ARHGAP42: variants seen among roughly 807,000 people sequenced by gnomAD.
ARHGAP42 encodes the protein Rho GTPase activating protein 42.
A neutral mutation model predicts 125.0 loss-of-function variants in ARHGAP42; 63 were observed. The ratio of observed to expected loss-of-function variants is 0.50; its 90% CI spans 0.41 to 0.62. ARHGAP42 has a LOEUF of 0.62. Ranked by LOEUF, ARHGAP42 falls within the 20% of genes least tolerant of loss-of-function variation. The pLI, the probability that ARHGAP42 is intolerant of heterozygous loss-of-function variation, is 0.00. For missense variants in ARHGAP42, 766 were observed against 1,024.2 expected, an observed-to-expected ratio of 0.75 and a Z score of 3.44; for synonymous variants, 339 against 351.0, an observed-to-expected ratio of 0.97 and a Z score of 0.38.
At chr11:100,871,591 T>C (rs11224496) in intron 4 of ARHGAP42, among the ~76,000 whole-genome samples, 11,456 of 151,074 alleles carry the variant, frequency 0.076, 634 homozygotes, top group African/African-American at 0.15. Flanking sequence ...GTTTCCAGTA[T>C]AAAAATTAAC....
chr11:100,718,550 G>A (rs977566650), intron 1 of ARHGAP42, among the ~76,000 whole-genome samples: 1 of 152,072 alleles, frequency 6.6e-6, no homozygotes, highest in African/African-American at 2.4e-5. Context: ...TAAATAAATT[G>A]GACAAGGACT....
At chr11:100,914,195 A>G (rs1867004190) in intron 5 of ARHGAP42, among the ~76,000 whole-genome samples, 1 of 152,314 alleles carries the variant, frequency 6.6e-6, no homozygotes, top group East Asian at 1.9e-4. Flanking sequence ...TTAGCCTCTC[A>G]AAGTGCTGGG....
At chr11:100,694,793 C>G (rs906354988) in intron 1 of ARHGAP42, among the ~76,000 whole-genome samples, 9 of 152,304 alleles carry the variant, frequency 5.9e-5, no homozygotes, top group African/African-American at 2.2e-4. Flanking sequence ...CTTTGGGAGG[C>G]TGAGGTGGGT....
At chr11:100,779,552 A>ATACGTATATATACGTATATATACG in intron 2 of ARHGAP42, among the ~76,000 whole-genome samples, 13 of 87,342 alleles carry the variant, frequency 1.5e-4, no homozygotes, top group Admixed American at 8.6e-4. Context: ...ATATATATAC[A>ATACGTATATATACGTATATATACG]TATACATACG....
At chr11:100,732,235 G>A (rs1861972023) in intron 1 of ARHGAP42, among the ~76,000 whole-genome samples, 1 of 152,164 alleles carries the variant, frequency 6.6e-6, no homozygotes, top group Non-Finnish European at 1.5e-5. Context: ...GGGATTACAG[G>A]TGTGAGCCGC....
At chr11:100,972,666 T>C (rs1858281079) in intron 17 of ARHGAP42, among the ~76,000 whole-genome samples, 1 of 152,194 alleles carries the variant, frequency 6.6e-6, no homozygotes, top group Non-Finnish European at 1.5e-5. Context: ...GTCCTGAATT[T>C]GTTGTGACCT....
At chr11:100,807,258 C>T (rs777479850) in intron 3 of ARHGAP42, among the ~76,000 whole-genome samples, 3 of 151,874 alleles carry the variant, frequency 2.0e-5, no homozygotes, top group Non-Finnish European at 2.9e-5. Flanking sequence ...TGCAATGGCA[C>T]GATCTCGGCT....
At chr11:100,981,122 T>C (rs1430284047) in intron 22 of ARHGAP42, among the ~76,000 whole-genome samples, 6 of 152,190 alleles carry the variant, frequency 3.9e-5, no homozygotes, top group African/African-American at 1.4e-4. Context: ...GAGTTACCAA[T>C]GTTGGGGAAT....
chr11:100,911,951 C>G lies in ARHGAP42; in HGVS notation c.385-1501C>G, dbSNP rs138611909. 6.0e-3 allele frequency among the ~76,000 whole-genome samples: 908 copies of G among 152,274 alleles called. 4 individuals carry two copies. Among genetic ancestry groups the G allele is most frequent in the African/African-American group, 0.021 (868 of 41,566 alleles). On this transcript the variant is annotated intron_variant, in intron 4 of 23. Coordinates refer to ENST00000298815, the MANE Select transcript of ARHGAP42 (RefSeq NM_152432.4). ...GTAATATTTTAATGTACAAGCATCTCAGTACTTCTTACATGGTCTAAAAGT... is the reference window on the plus strand; with the variant it reads ...GTAATATTTTAATGTACAAGCATCTGAGTACTTCTTACATGGTCTAAAAGT...
intron 12 of ARHGAP42, among the ~76,000 whole-genome samples, chr11:100,957,913 G>A (rs144481968): frequency 6.6e-6 from 1 of 152,124 alleles, no homozygotes; most frequent in Admixed American, 6.6e-5. Context: ...TCTGTTTTAT[G>A]TCACTACTAT....
intron 22 of ARHGAP42, among the ~76,000 whole-genome samples, chr11:100,981,468 C>T (rs1247504578): frequency 6.6e-6 from 1 of 152,066 alleles, no homozygotes; most frequent in Non-Finnish European, 1.5e-5. Context: ...CAAGGTTACC[C>T]TTGAATTAGA....
At chr11:100,751,277 G>GTTTTTTTTTTTTTTTTTTTTTTTTTTTTT (rs756243174) in intron 1 of ARHGAP42, among the ~76,000 whole-genome samples, 1 of 121,624 alleles carries the variant, frequency 8.2e-6, no homozygotes, top group African/African-American at 3.4e-5. Flanking sequence ...GTGTGTGTGT[G>GTTTTTTTTTTTTTTTTTTTTTTTTTTTTT]TGTTTTTTTT....
chr11:100,963,722 T>A (rs1413981625), intron 16 of ARHGAP42, among the ~76,000 whole-genome samples: 1 of 152,214 alleles, frequency 6.6e-6, no homozygotes, highest in Non-Finnish European at 1.5e-5. Context: ...AAATATATAA[T>A]CTGACCTCTC....
chr11:100,985,755 A>G (rs1469167674), intron 22 of ARHGAP42, among the ~76,000 whole-genome samples: 1 of 152,166 alleles, frequency 6.6e-6, no homozygotes, highest in African/African-American at 2.4e-5. Flanking sequence ...TGATGAAAAG[A>G]CTGGAGGCAG....
intron 5 of ARHGAP42, among the ~76,000 whole-genome samples, chr11:100,920,322 C>T (rs1409078342): frequency 6.6e-6 from 1 of 152,112 alleles, no homozygotes; most frequent in Non-Finnish European, 1.5e-5. Flanking sequence ...GGGTTAGGTG[C>T]ACCTACTCCC....
At chr11:100,789,254 C>T (rs1333118262) in intron 2 of ARHGAP42, among the ~76,000 whole-genome samples, 1 of 152,270 alleles carries the variant, frequency 6.6e-6, no homozygotes, top group African/African-American at 2.4e-5. Context: ...TTCAATCTGG[C>T]TTTTATAGAC....
intron 4 of ARHGAP42, among the ~76,000 whole-genome samples, chr11:100,860,996 C>T (rs1362582074): frequency 1.3e-5 from 2 of 152,134 alleles, no homozygotes; most frequent in South Asian, 2.1e-4. Context: ...GTGTGTATGT[C>T]CCTATTATCT....
intron 1 of ARHGAP42, among the ~76,000 whole-genome samples, chr11:100,706,035 A>G (rs1032545316): frequency 2.3e-5 from 3 of 129,332 alleles, no homozygotes; most frequent in Non-Finnish European, 3.1e-5. Context: ...GCTGGAGTGT[A>G]GTGGTGCGAT....
intron 6 of ARHGAP42, among the ~76,000 whole-genome samples, chr11:100,928,921 A>C (rs576376898): frequency 1.3e-5 from 2 of 152,312 alleles, no homozygotes; most frequent in South Asian, 4.1e-4. Context: ...TTCGAGGTTC[A>C]TCCATCTGAA....
Sources: gnomAD v4.1 joint callset for allele counts (sites outside exome capture counted in the v4.1 genomes callset) on GRCh38, gnomAD v4.1.1 for gene constraint, MANE v1.5 for transcripts, NCBI Gene and HGNC (gene_info 2026-07-23, HGNC 2026-07-21) for gene names.